Variants in LRRIQ4 observed in about 807,000 individuals in gnomAD.
LRRIQ4 encodes the protein leucine-rich repeat and IQ domain-containing protein 4.
Under a neutral mutation model 40.1 loss-of-function variants are expected in LRRIQ4, and 21 were observed. The observed-to-expected ratio is 0.52, with a 90% CI of 0.37 to 0.75. The LOEUF is 0.75. Among genes scored for constraint, LRRIQ4 ranks in the 30% least tolerant of loss-of-function variants. The probability of loss-of-function intolerance (pLI) is 0.00; values close to 1 mark genes in which losing one functional copy is unlikely to be tolerated. For missense variants in LRRIQ4, 655 were observed against 660.0 expected, an observed-to-expected ratio of 0.99 and a Z score of 0.08; for synonymous variants, 277 against 277.1, an observed-to-expected ratio of 1.00 and a Z score of 0.00.
In LRRIQ4 at chr3:169,831,984, T is replaced by A. The variant is rs868521568; in HGVS notation, c.1334-1003T>A. 2.0e-3 allele frequency among the ~76,000 whole-genome samples: 284 copies of A among 142,278 alleles called. 1 individual carries two copies. Among genetic ancestry groups the A allele is most frequent in the Non-Finnish European group, 3.2e-3 (207 of 64,638 alleles). The allele number at this position is 142,278 out of a possible 152,430, so 93.3% of individuals were successfully genotyped here. ...CCGTTTTAATAAAAGTTAAAAAATTTAAAAAAAAAAAGAAAAAAAAAATGG... is the reference window on the plus strand; with the variant it reads ...CCGTTTTAATAAAAGTTAAAAAATTAAAAAAAAAAAAGAAAAAAAAAATGG... On this transcript the variant is annotated intron_variant, in intron 4 of 5. Transcript: ENST00000340806.
At chr3:169,821,196 C>T (rs568954062) in intron 1 of LRRIQ4, among the ~76,000 whole-genome samples, 2 of 152,112 alleles carry the variant, frequency 1.3e-5, no homozygotes, top group South Asian at 2.1e-4. Context: ...TTTGTATCTT[C>T]GACTCTCTGG....
chr3:169,827,918 G>T (rs114358692), intron 2 of LRRIQ4, among the ~76,000 whole-genome samples: 1 of 152,152 alleles, frequency 6.6e-6, no homozygotes. Context: ...TTCCCACACA[G>T]GTTACACAAG....
chr3:169,819,798 T>G (rs1779840758), intron 1 of LRRIQ4, among the ~76,000 whole-genome samples: 1 of 152,238 alleles, frequency 6.6e-6, no homozygotes, highest in African/African-American at 2.4e-5. Context: ...CCTATTTTTA[T>G]TTGTATTATC....
At position 169,825,301 on chromosome 3, in the gene LRRIQ4, C is replaced by T. The variant is rs536567568; in HGVS notation, c.1020+2360C>T. Among the ~76,000 whole-genome samples the T allele has an allele frequency of 7.4e-4, 112 of 152,186 alleles. 1 individual carries two copies. The highest frequency in any genetic ancestry group is 1.9e-3 in the South Asian group (9 of 4,828). On this transcript the variant is annotated intron_variant, in intron 2 of 5. Coordinates refer to ENST00000340806, the MANE Select transcript of LRRIQ4 (RefSeq NM_001080460.3). ...GATTACAGGCGTGAGCCACTGTGCCCGGCTGCTAAAAAAATCTTTTATTTG... is the reference window on the plus strand; with the variant it reads ...GATTACAGGCGTGAGCCACTGTGCCTGGCTGCTAAAAAAATCTTTTATTTG...
intron 4 of LRRIQ4, among the ~76,000 whole-genome samples, chr3:169,831,997 A>G (rs926932703): frequency 2.0e-5 from 3 of 147,278 alleles, no homozygotes; most frequent in African/African-American, 7.7e-5. Context: ...AAAAAAAAAG[A>G]AAAAAAAAAT....
chr3:169,824,363 C>A (rs567613749), intron 2 of LRRIQ4, among the ~76,000 whole-genome samples: 100 of 152,036 alleles, frequency 6.6e-4, no homozygotes, highest in African/African-American at 2.1e-3. Flanking sequence ...ACCAAGAAAG[C>A]AAATGGGGAA....
chr3:169,831,134 TTGTC>T (rs777971149), intron 4 of LRRIQ4, among the ~76,000 whole-genome samples: 73 of 152,070 alleles, frequency 4.8e-4, no homozygotes, highest in Non-Finnish European at 8.1e-4. Context: ...AAGCCATTCT[TTGTC>T]TGTACATTCA....
chr3:169,833,229 C>T (rs549033525), intron 5 of LRRIQ4, 46 bp downstream of exon 5: 1 of 1,500,714 alleles, frequency 6.7e-7, no homozygotes, highest in South Asian at 1.2e-5. Context: ...TAGAGGGAGT[C>T]TAATGGTAAA....
At chr3:169,823,073 A>C in intron 2 of LRRIQ4, 132 bp downstream of exon 2, 1 of 696,332 alleles carries the variant, frequency 1.4e-6, no homozygotes, top group Non-Finnish European at 2.3e-6. Flanking sequence ...AATATCCAAC[A>C]AGGTGATACT....
chr3:169,823,028 G>A (rs1779951963), intron 2 of LRRIQ4, 87 bp downstream of exon 2: 2 of 1,164,002 alleles, frequency 1.7e-6, no homozygotes, highest in African/African-American at 1.6e-5. Flanking sequence ...CAGCAAATTT[G>A]AACTGACTTT....
At chr3:169,823,057 T>C in intron 2 of LRRIQ4, 116 bp downstream of exon 2, 1 of 787,900 alleles carries the variant, frequency 1.3e-6, no homozygotes, top group Non-Finnish European at 1.9e-6. Context: ...AAATCCAAGA[T>C]TACTAAATAT....
chr3:169,829,239 GCC>G (rs1295360835), intron 3 of LRRIQ4, among the ~76,000 whole-genome samples: 2 of 152,100 alleles, frequency 1.3e-5, no homozygotes, highest in Non-Finnish European at 1.5e-5. Context: ...TTTATAAGTA[GCC>G]CCCTGAAAAC....
chr3:169,828,762 C>T lies in LRRIQ4; in HGVS notation c.1024C>T (p.Pro342Ser). The T allele has an allele frequency of 6.2e-7, 1 of 1,610,164 alleles. No individual in the cohort carries two copies. Among genetic ancestry groups the T allele is most frequent in the Admixed American group, 1.7e-5 (1 of 58,964 alleles). The change falls in exon 3 of 6, where the codon CCT (proline) becomes TCT (serine). Residue 342 changes from proline to serine, a missense_variant. Coordinates refer to ENST00000340806, the MANE Select transcript of LRRIQ4 (RefSeq NM_001080460.3). ...GLDDNKIGQLPSELGSLSKLK... is the reference protein window; with the variant it reads ...GLDDNKIGQLSSELGSLSKLK... ...TATCTTTTTGGAATACTTCTAGTTACCTTCAGAATTGGGCTCACTTTCAAA... is the reference window on the plus strand; with the variant it reads ...TATCTTTTTGGAATACTTCTAGTTATCTTCAGAATTGGGCTCACTTTCAAA...
At chr3:169,826,032 G>T (rs534755411) in intron 2 of LRRIQ4, among the ~76,000 whole-genome samples, 10 of 152,192 alleles carry the variant, frequency 6.6e-5, no homozygotes, top group African/African-American at 1.9e-4. Flanking sequence ...CTGTGTGCAT[G>T]CAAAAAATAT....
chr3:169,830,779 C>T, intron 4 of LRRIQ4, 149 bp downstream of exon 4: 1 of 926,606 alleles, frequency 1.1e-6, no homozygotes, highest in Non-Finnish European at 1.6e-6. Context: ...CACTTAGCGA[C>T]ATGGGGGAGG....
Position 169,828,944 on chromosome 3 carries a change from C to G in LRRIQ4, c.1194+12C>G, listed in dbSNP as rs749522549. The G allele has an allele frequency of 6.3e-7, 1 of 1,597,522 alleles. No individual in the cohort carries two copies. The highest frequency in any genetic ancestry group is 1.1e-5 in the South Asian group (1 of 87,636). ...TTAGGAAACTGCAGGTAAGCCTCCCCAAATGAGCAGGCTAAGAAGCACCTG... is the reference window on the plus strand; with the variant it reads ...TTAGGAAACTGCAGGTAAGCCTCCCGAAATGAGCAGGCTAAGAAGCACCTG... On this transcript the variant is annotated intron_variant, in intron 3 of 5. Transcript: ENST00000340806.
chr3:169,819,967 A>G (rs1378438369), intron 1 of LRRIQ4, among the ~76,000 whole-genome samples: 1 of 152,220 alleles, frequency 6.6e-6, no homozygotes. Flanking sequence ...AATCAGTGTT[A>G]AATCTTTCCT....
chr3:169,819,495 G>A (rs924920321), intron 1 of LRRIQ4, among the ~76,000 whole-genome samples: 1 of 152,116 alleles, frequency 6.6e-6, no homozygotes, highest in African/African-American at 2.4e-5. Context: ...TGACTTTGTT[G>A]TAATGCTGCA....
chr3:169,835,172 A>T (rs1004423001), intron 5 of LRRIQ4, among the ~76,000 whole-genome samples: 3 of 152,160 alleles, frequency 2.0e-5, no homozygotes, highest in Non-Finnish European at 4.4e-5. Flanking sequence ...ACAATGATTC[A>T]TGCATCTCTG....
Sources: gnomAD v4.1 joint callset for allele counts (sites outside exome capture counted in the v4.1 genomes callset) on GRCh38, gnomAD v4.1.1 for gene constraint, MANE v1.5 for transcripts, NCBI Gene and HGNC (gene_info 2026-07-23, HGNC 2026-07-21) for gene names.